TANGO6: variants seen among roughly 807,000 people sequenced by gnomAD.
The protein encoded by TANGO6 is transport and Golgi organization protein 6 homolog.
TANGO6 carries 90 observed loss-of-function variants against 114.2 expected under a neutral mutation model. The ratio of observed to expected loss-of-function variants is 0.79; its 90% confidence interval spans 0.66 to 0.94. The LOEUF is 0.94. Among genes scored for constraint, TANGO6 ranks in the 40% least tolerant of loss-of-function variants. TANGO6 has a pLI of 0.00. For missense variants in TANGO6, 1,274 were observed against 1,315.3 expected (o/e 0.97, Z 0.49); for synonymous variants, 477 against 509.8 (o/e 0.94, Z 0.87).
chr16:68,863,183 A>G, intron 3 of TANGO6, 122 bp downstream of exon 3: 1 of 535,928 alleles, frequency 1.9e-6, no homozygotes, highest in Non-Finnish European at 3.2e-6. Flanking sequence ...GCCTTTTTTC[A>G]TCTTTTAGAT....
At position 68,967,897 on chromosome 16, in the gene TANGO6, A is replaced by G. The variant is rs200055418; in HGVS notation, c.2702-6131A>G. Among the ~76,000 whole-genome samples, 6 of 152,192 alleles carry G rather than the reference A, an allele frequency of 3.9e-5. No individual in the cohort carries two copies. The East Asian group carries it at 1.2e-3, about 29-fold the overall frequency. On this transcript the variant is annotated intron_variant, in intron 14 of 17. Coordinates refer to ENST00000261778, the MANE Select transcript of TANGO6 (RefSeq NM_024562.2). ...ACTAAGTAAAAGTACACGACACCCAAACTCCTTTTGCTACTCAGAATCACT... is the reference window on the plus strand; with the variant it reads ...ACTAAGTAAAAGTACACGACACCCAGACTCCTTTTGCTACTCAGAATCACT...
intron 14 of TANGO6, among the ~76,000 whole-genome samples, chr16:68,951,659 C>T (rs1363167887): frequency 6.8e-6 from 1 of 148,090 alleles, no homozygotes; most frequent in Admixed American, 6.8e-5. Context: ...ATCGCCTAAG[C>T]TAGAGTGCAG....
chr16:68,875,134 A>G lies in TANGO6; in HGVS notation c.995-20A>G, dbSNP rs773116733. 8 of 1,607,052 alleles carry G rather than the reference A, an allele frequency of 5.0e-6. No homozygotes were observed. Among genetic ancestry groups the G allele is most frequent in the Middle Eastern group, 3.3e-4 (2 of 6,022 alleles). ...TGGGGAATTGCTGTGAGCTGCTAAC[A>G]TCTCTCTCCATTGTGCCAGCGGGAG... is the stretch of plus-strand genomic sequence containing the variant. On this transcript the variant is annotated intron_variant, in intron 4 of 17. Coordinates refer to ENST00000261778, the MANE Select transcript of TANGO6 (RefSeq NM_024562.2).
chr16:69,063,879 C>T (rs970551338), intron 17 of TANGO6, among the ~76,000 whole-genome samples: 4 of 150,310 alleles, frequency 2.7e-5, no homozygotes, highest in African/African-American at 9.8e-5. Context: ...CTCTGTCGCC[C>T]AGACTGGAGT....
intron 10 of TANGO6, 73 bp downstream of exon 10, chr16:68,907,648 C>T: frequency 6.9e-7 from 1 of 1,457,084 alleles, no homozygotes; most frequent in South Asian, 1.5e-5. Flanking sequence ...ATTTTCAAAG[C>T]ATTTATAATT....
intron 9 of TANGO6, among the ~76,000 whole-genome samples, chr16:68,907,085 T>G (rs1348373325): frequency 2.7e-5 from 4 of 147,862 alleles, no homozygotes; most frequent in South Asian, 2.1e-4. Context: ...GTGAGCCACC[T>G]CACCCAGACC....
intron 17 of TANGO6, among the ~76,000 whole-genome samples, chr16:69,049,330 T>G: frequency 6.6e-6 from 1 of 152,172 alleles, no homozygotes; most frequent in Admixed American, 6.6e-5. Flanking sequence ...TTCATATAAA[T>G]GAGTCATACA....
intron 14 of TANGO6, among the ~76,000 whole-genome samples, chr16:68,959,664 C>T (rs1407036208): frequency 6.6e-6 from 1 of 152,168 alleles, no homozygotes; most frequent in African/African-American, 2.4e-5. Flanking sequence ...TTGCCTCTGT[C>T]ACTGGCTGGT....
chr16:68,957,857 G>C (rs954155480), intron 14 of TANGO6, among the ~76,000 whole-genome samples: 9 of 152,100 alleles, frequency 5.9e-5, no homozygotes, highest in African/African-American at 2.2e-4. Context: ...AAGTCTTAAA[G>C]TAAAAAGTAG....
intron 17 of TANGO6, among the ~76,000 whole-genome samples, chr16:69,042,609 G>T (rs1959791428): frequency 1.3e-5 from 2 of 152,178 alleles, no homozygotes; most frequent in African/African-American, 4.8e-5. Context: ...CACTCACCTG[G>T]AAGGATGGAG....
At chr16:68,890,294 C>T (rs1397773748) in intron 7 of TANGO6, among the ~76,000 whole-genome samples, 2 of 152,140 alleles carry the variant, frequency 1.3e-5, no homozygotes, top group African/African-American at 2.4e-5. Context: ...AGAAATCTAA[C>T]ATTTGTATGG....
chr16:69,079,059 C>T (rs1157307202), intron 17 of TANGO6, among the ~76,000 whole-genome samples: 1 of 151,816 alleles, frequency 6.6e-6, no homozygotes, highest in Non-Finnish European at 1.5e-5. Flanking sequence ...GGTGCAGTGG[C>T]TCATGCCTGT....
intron 1 of TANGO6, among the ~76,000 whole-genome samples, chr16:68,855,648 G>T (rs1240087204): frequency 1.3e-5 from 2 of 151,948 alleles, no homozygotes; most frequent in Non-Finnish European, 2.9e-5. Flanking sequence ...ACTTTGGGAG[G>T]CTGAGGCAGG....
intron 14 of TANGO6, among the ~76,000 whole-genome samples, chr16:68,962,701 T>C (rs1159964688): frequency 1.3e-5 from 2 of 149,168 alleles, no homozygotes; most frequent in East Asian, 2.0e-4. Context: ...GCAGAGGTTG[T>C]GGTGAGTCAA....
intron 6 of TANGO6, 75 bp from the exon 7 acceptor site, chr16:68,880,473 C>A: frequency 2.0e-6 from 2 of 1,024,046 alleles, no homozygotes; most frequent in Non-Finnish European, 2.9e-6. Context: ...TCTAGTAAAG[C>A]TTCCTTCCTT....
chr16:69,043,191 A>C (rs1357373739), intron 17 of TANGO6, among the ~76,000 whole-genome samples: 1 of 152,142 alleles, frequency 6.6e-6, no homozygotes, highest in African/African-American at 2.4e-5. Context: ...GCGCCACTGC[A>C]CTTCAGTCTG....
chr16:68,983,346 C>T (rs1963859126), intron 15 of TANGO6, among the ~76,000 whole-genome samples: 1 of 152,130 alleles, frequency 6.6e-6, no homozygotes, highest in South Asian at 2.1e-4. Context: ...CTTTCTAATG[C>T]TCAAAATTCT....
intron 11 of TANGO6, among the ~76,000 whole-genome samples, chr16:68,916,375 G>T (rs532818532): frequency 6.6e-6 from 1 of 152,064 alleles, no homozygotes; most frequent in African/African-American, 2.4e-5. Flanking sequence ...TCTAGGTTGC[G>T]CAGTCCTTAT....
intron 8 of TANGO6, among the ~76,000 whole-genome samples, chr16:68,901,569 A>C (rs1409990136): frequency 7.2e-5 from 11 of 151,998 alleles, no homozygotes. Flanking sequence ...GCTCACTGCA[A>C]CCTCTGCCTC....
Sources: allele counts gnomAD v4.1 joint callset (sites outside exome capture counted in the v4.1 genomes callset), GRCh38; gene constraint gnomAD v4.1.1; transcripts MANE v1.5; gene names NCBI Gene and HGNC (gene_info 2026-07-23, HGNC 2026-07-21).